The following FGFR1 variants were observed in gnomAD, a reference collection of about 807,000 sequenced individuals.
FGFR1 encodes the protein FGFR1/PLAG1 fusion.
A neutral mutation model predicts 93.7 loss-of-function variants in FGFR1; 18 were observed. The observed-to-expected ratio is 0.19, with a 90% CI of 0.13 to 0.28. FGFR1 has a LOEUF of 0.28. FGFR1 is among the 10% of genes least tolerant of loss of function. The pLI is 1.00. For missense variants in FGFR1, 731 were observed against 1,080.4 expected, an observed-to-expected ratio of 0.68 and a Z score of 4.53; for synonymous variants, 448 against 429.3, an observed-to-expected ratio of 1.04 and a Z score of -0.54.
At chr8:38,461,235 G>T (rs1834337108) in intron 1 of FGFR1, 1 of 1,064,552 alleles carries the variant, frequency 9.4e-7, no homozygotes, top group Non-Finnish European at 1.4e-6. Context: ...CGGACCACGT[G>T]ACCTTGAAGC....
intron 11 of FGFR1, 87 bp downstream of exon 11, chr8:38,417,783 C>T (rs1466941228): frequency 6.2e-7 from 1 of 1,600,874 alleles, no homozygotes; most frequent in South Asian, 1.1e-5. Context: ...GCAAAGGCAC[C>T]AGAGAAGCTG....
chr8:38,461,404 A>C (rs192876125), intron 1 of FGFR1: 54 of 422,850 alleles, frequency 1.3e-4, no homozygotes, highest in Non-Finnish European at 2.2e-4. Context: ...GCACGATCTC[A>C]ACTCACTACA....
At chr8:38,422,350 A>C in intron 7 of FGFR1, 1 of 420,328 alleles carries the variant, frequency 2.4e-6, no homozygotes, top group Non-Finnish European at 4.5e-6. Context: ...GCATACACAC[A>C]CGCACATGTG....
chr8:38,443,331 G>A (rs1339974966), intron 2 of FGFR1, among the ~76,000 whole-genome samples: 3 of 152,086 alleles, frequency 2.0e-5, no homozygotes, highest in Admixed American at 1.3e-4. Context: ...TACCGTACCC[G>A]ACGATTATAC....
chr8:38,454,645 T>C (rs1397842194), intron 2 of FGFR1, among the ~76,000 whole-genome samples: 2 of 152,202 alleles, frequency 1.3e-5, no homozygotes, highest in African/African-American at 4.8e-5. Flanking sequence ...CTCATCCTTC[T>C]GGCAGCAGCA....
Position 38,457,350 on chromosome 8 carries a change from C to A in FGFR1, c.91+6G>T, listed in dbSNP as rs886062921. 1.4e-5 allele frequency: 22 copies of A among 1,612,058 alleles called. No individual in the cohort carries two copies. Among genetic ancestry groups the A allele is most frequent in the Admixed American group, 5.0e-5 (3 of 59,986 alleles). On this transcript the variant is annotated splice_donor_region_variant and intron_variant, in intron 2 of 17. Transcript: ENST00000447712. The stretch of plus-strand genomic sequence containing the variant: ...GAGTCCAGGCTGCCCCCAGCCAGCA[C>A]CTTACCTTGTTCAGGCAAGGTCGGG...
intron 7 of FGFR1, among the ~76,000 whole-genome samples, chr8:38,422,456 G>C (rs1339663029): frequency 3.9e-5 from 6 of 152,158 alleles, no homozygotes; most frequent in Non-Finnish European, 8.8e-5. Flanking sequence ...ACCCAGGCTG[G>C]GGTGCAGTGG....
intron 12 of FGFR1, 46 bp from the exon 13 acceptor site, chr8:38,416,106 A>C (rs1469635487): frequency 6.4e-7 from 1 of 1,558,814 alleles, no homozygotes; most frequent in Admixed American, 1.8e-5. Context: ...GCAGGTGAGC[A>C]GGTTTGGCTT....
At chr8:38,422,124 A>G in intron 7 of FGFR1, 183 bp from the exon 8 acceptor site, 1 of 683,770 alleles carries the variant, frequency 1.5e-6, no homozygotes, top group Non-Finnish European at 2.5e-6. Flanking sequence ...GAAGAGGGTG[A>G]GACCCTGAGG....
At position 38,412,846 on chromosome 8, in the gene FGFR1, CCTTT is replaced by C. The variant is rs997935167; in HGVS notation, c.*778_*781del. 1 of 233,594 alleles carries C rather than the reference CCTTT, an allele frequency of 4.3e-6. No individual in the cohort carries two copies. The allele number at this position is 233,594 out of a possible 1,614,324, so 14.5% of individuals were successfully genotyped here. On this transcript the variant is annotated 3_prime_UTR_variant, in exon 18 of 18. Transcript: ENST00000447712. ...TATATGACCTTTTTAAAAACATTTT[CCTTT>C]TTTTTCTTTTTTGTTTTTAATATAT...
chr8:38,440,109 T>C (rs1415210452), intron 2 of FGFR1, among the ~76,000 whole-genome samples: 1 of 151,072 alleles, frequency 6.6e-6, no homozygotes, highest in Non-Finnish European at 1.5e-5. Context: ...GGGAAACTGG[T>C]GGTCCAGGAA....
At chr8:38,465,120 T>TA (rs1263825860) in intron 1 of FGFR1, among the ~76,000 whole-genome samples, 1 of 152,210 alleles carries the variant, frequency 6.6e-6, no homozygotes, top group East Asian at 1.9e-4. Flanking sequence ...CCGATGTATC[T>TA]AATCCTCTGC....
intron 2 of FGFR1, among the ~76,000 whole-genome samples, chr8:38,451,061 G>C (rs1449280059): frequency 6.6e-6 from 1 of 152,154 alleles, no homozygotes; most frequent in African/African-American, 2.4e-5. Context: ...TATGAGCTTA[G>C]CACCTTGCAG....
chr8:38,443,851 C>T (rs187219288), intron 2 of FGFR1, among the ~76,000 whole-genome samples: 91 of 151,750 alleles, frequency 6.0e-4, no homozygotes, highest in Middle Eastern at 3.4e-3. Flanking sequence ...GTCAGGAGTT[C>T]GAGACCAGCC....
chr8:38,423,335 T>TTTA (rs1554560012), intron 7 of FGFR1: 12 of 559,850 alleles, frequency 2.1e-5, no homozygotes, highest in African/African-American at 1.2e-4. Context: ...TTTTTTTTTT[T>TTTA]AACGCAGAGT....
At chr8:38,425,950 A>T in intron 6 of FGFR1, 172 bp downstream of exon 6, 2 of 809,140 alleles carry the variant, frequency 2.5e-6, no homozygotes, top group Non-Finnish European at 4.2e-6. Flanking sequence ...TATTTTACAG[A>T]TAAGAAAAGT....
chr8:38,444,051 C>CAAAAAAA (rs746296068), intron 2 of FGFR1, among the ~76,000 whole-genome samples: 7 of 74,348 alleles, frequency 9.4e-5, no homozygotes, highest in African/African-American at 3.5e-4. Flanking sequence ...GAAACTGTCT[C>CAAAAAAA]AAAAAAAAAA....
At chr8:38,428,930 C>G (rs1166270851) in intron 3 of FGFR1, 2 of 305,190 alleles carry the variant, frequency 6.6e-6, no homozygotes, top group African/African-American at 4.4e-5. Context: ...TTAATCAGAG[C>G]AGATAGGGCA....
At chr8:38,414,116 C>T (rs375735791) in intron 16 of FGFR1, 36 bp downstream of exon 16, 1 of 1,614,184 alleles carries the variant, frequency 6.2e-7, no homozygotes, top group Non-Finnish European at 8.5e-7. Flanking sequence ...TGCCCCAAGG[C>T]CTGGCTCAGG....
Sources: allele counts gnomAD v4.1 joint callset (sites outside exome capture counted in the v4.1 genomes callset), GRCh38; gene constraint gnomAD v4.1.1; transcripts MANE v1.5; gene names NCBI Gene and HGNC (gene_info 2026-07-23, HGNC 2026-07-21).